The following ACBD7 variants were observed in gnomAD, a reference collection of about 807,000 sequenced individuals.
The protein encoded by ACBD7 is acyl-CoA binding domain containing 7, also known as acyl-CoA-binding domain-containing protein 7.
Under a neutral mutation model 13.7 loss-of-function variants are expected in ACBD7, and 11 were observed. The observed-to-expected ratio is 0.80, with a 90% CI of 0.50 to 1.33. The LOEUF is 1.33. ACBD7 is among the 40% of genes most tolerant of loss of function. The pLI, the probability that ACBD7 is intolerant of heterozygous loss-of-function variation, is 0.00. For missense variants in ACBD7, 111 were observed against 103.0 expected, an observed-to-expected ratio of 1.08 and a Z score of -0.33; for synonymous variants, 43 against 37.7, an observed-to-expected ratio of 1.14 and a Z score of -0.51.
At chr10:15,079,140 T>G (rs997685371) in intron 1 of ACBD7, 100 bp from the exon 2 acceptor site, 1 of 622,334 alleles carries the variant, frequency 1.6e-6, no homozygotes, top group East Asian at 3.1e-5. Flanking sequence ...GAAATGAACT[T>G]CTGCTGCTCT....
rs551196580 is a variant in ACBD7 at position 15,086,646 on chromosome 10, C to T, written c.12+2071G>A. ...ATCCCAGCACTTTGGGAGGCCAAGG[C>T]GGGTGGATCGCTTGAGCTCAGGAGT... On this transcript the variant is annotated intron_variant, in intron 1 of 3. Coordinates refer to ENST00000356189, the MANE Select transcript of ACBD7 (RefSeq NM_001039844.3). 2.0e-4 allele frequency among the ~76,000 whole-genome samples: 31 copies of T among 152,134 alleles called. No homozygotes were observed. In the South Asian group the frequency reaches 4.8e-3, roughly 23 times the overall value.
intron 1 of ACBD7, 69 bp from the exon 2 acceptor site, chr10:15,079,109 G>C: frequency 1.1e-6 from 1 of 951,888 alleles, no homozygotes; most frequent in Non-Finnish European, 1.6e-6. Context: ...TCAAAGAGCA[G>C]GAAGAGGAAG....
intron 1 of ACBD7, among the ~76,000 whole-genome samples, chr10:15,082,252 C>T (rs1216452334): frequency 2.0e-5 from 3 of 147,320 alleles, no homozygotes; most frequent in East Asian, 2.0e-4. Context: ...TGCCACTACA[C>T]TCCAGCCTGG....
chr10:15,082,244 C>G (rs1266140510), intron 1 of ACBD7, among the ~76,000 whole-genome samples: 1 of 148,154 alleles, frequency 6.7e-6, no homozygotes, highest in African/African-American at 2.5e-5. Context: ...CGAGATCATG[C>G]CACTACACTC....
intron 1 of ACBD7, among the ~76,000 whole-genome samples, chr10:15,084,580 C>T (rs749313056): frequency 6.6e-6 from 1 of 152,180 alleles, no homozygotes; most frequent in Non-Finnish European, 1.5e-5. Context: ...GACTCAAGAT[C>T]CCTGTTACAG....
At chr10:15,079,527 G>A (rs143702034) in intron 1 of ACBD7, among the ~76,000 whole-genome samples, 6,923 of 150,992 alleles carry the variant, frequency 0.046, 238 homozygotes, top group Middle Eastern at 0.062. Context: ...CCCCTGCCTC[G>A]GCCTCCCAAA....
At chr10:15,088,682 G>T in intron 1 of ACBD7, 35 bp downstream of exon 1, 1 of 1,592,036 alleles carries the variant, frequency 6.3e-7, no homozygotes. Flanking sequence ...CTCGCGGAGC[G>T]CCCCTCCCGC....
chr10:15,076,760 C>T lies in ACBD7; in HGVS notation c.*1770G>A, dbSNP rs1844686813. The T allele has an allele frequency of 3.1e-6, 3 of 982,238 alleles. No individual in the cohort carries two copies. In the South Asian group the frequency reaches 1.4e-4, roughly 46 times the overall value. 60.8% of individuals were successfully genotyped at this position (982,238 alleles called of 1,614,324 possible). On this transcript the variant is annotated 3_prime_UTR_variant, in exon 4 of 4. Transcript: ENST00000356189. ...CTCAGTAATCCACCTACCTCGGCCT[C>T]CCAAAGTGCTGAGATTAGAGGCGTG...
intron 1 of ACBD7, among the ~76,000 whole-genome samples, chr10:15,081,940 C>T (rs185438738): frequency 1.2e-4 from 18 of 152,306 alleles, no homozygotes; most frequent in African/African-American, 3.6e-4. Flanking sequence ...TGGTTAAGAA[C>T]ATGGCTCTGG....
At chr10:15,086,410 T>G (rs2131399139) in intron 1 of ACBD7, among the ~76,000 whole-genome samples, 1 of 152,384 alleles carries the variant, frequency 6.6e-6, no homozygotes, top group South Asian at 2.1e-4. Context: ...ATACTGCTTT[T>G]CTGTGATGTT....
chr10:15,080,022 G>A lies in ACBD7; in HGVS notation c.13-982C>T, dbSNP rs114824557. ...ACCAGTTAATACCATCGTCTAGGGCGTTTCTCTTCCAGTGCCCTCATGCCT... is the reference window on the plus strand; with the variant it reads ...ACCAGTTAATACCATCGTCTAGGGCATTTCTCTTCCAGTGCCCTCATGCCT... On this transcript the variant is annotated intron_variant, in intron 1 of 3. Transcript: ENST00000356189. 5.2e-3 allele frequency among the ~76,000 whole-genome samples: 787 copies of A among 151,958 alleles called. 9 individuals are homozygous for A. Among genetic ancestry groups the A allele is most frequent in the African/African-American group, 0.018 (754 of 41,410 alleles).
rs540145387 is a variant in ACBD7 at position 15,082,030 on chromosome 10, G to A, written c.13-2990C>T. 2.6e-5 allele frequency among the ~76,000 whole-genome samples: 4 copies of A among 152,308 alleles called. No individual in the cohort carries two copies. The South Asian group carries it at 8.3e-4, about 32-fold the overall frequency. On this transcript the variant is annotated intron_variant, in intron 1 of 3. Transcript: ENST00000356189. ...AGGCTGGGCGCAGTGGCTCACACCT[G>A]TAATCCCAGCACTTTGGGAGGCCAA...
chr10:15,076,917 G>A lies in ACBD7; in HGVS notation c.*1613C>T. ...GTTCAAATCTGTACACATATTACCA[G>A]GGCTAGACTTTCTAAAAAGTCAAAA... On this transcript the variant is annotated 3_prime_UTR_variant, in exon 4 of 4. Transcript: ENST00000356189. 1.0e-6 allele frequency: 1 copy of A among 985,340 alleles called. No individual in the cohort carries two copies. The highest frequency in any genetic ancestry group is 4.7e-5 in the South Asian group (1 of 21,284). 61.0% of individuals were successfully genotyped at this position (985,340 alleles called of 1,614,324 possible). A position where few individuals can be genotyped will look rare whatever the true frequency, so the allele number is the denominator to read the frequency against.
At position 15,079,011 on chromosome 10, in the gene ACBD7, C is replaced by A. The variant is rs1466898664; in HGVS notation, c.42G>T (p.Val14=). 1 of 1,609,682 alleles carries A rather than the reference C, an allele frequency of 6.2e-7. No individual in the cohort carries two copies. The highest frequency in any genetic ancestry group is 8.5e-7 in the Non-Finnish European group (1 of 1,177,822). ...CATCTGGTCTTGCTTTCAGCTTCCTCACATCTTCTGCAGCCCTGTCAAAAT... is the reference window on the plus strand; with the variant it reads ...CATCTGGTCTTGCTTTCAGCTTCCTAACATCTTCTGCAGCCCTGTCAAAAT... The part of the protein sequence containing the change: ...QADFDRAAED[V]RKLKARPDDG... Residue 14 remains valine, a synonymous_variant, in exon 2 of 4, where the codon GTG becomes GTT. Transcript: ENST00000356189.
rs577599538 is a variant in ACBD7, at chr10:15,075,663, G to C, written c.*2867C>G. Reference sequence around the variant, plus strand: ...TGGCAACCACTATTCCATCCTTTGCGTCTATAAATGTTCCCTTTCAAGAAT... The same window carrying C: ...TGGCAACCACTATTCCATCCTTTGCCTCTATAAATGTTCCCTTTCAAGAAT... On this transcript the variant is annotated 3_prime_UTR_variant, in exon 4 of 4. Transcript: ENST00000356189. Among the ~76,000 whole-genome samples, 1 of 151,972 alleles carries C rather than the reference G, an allele frequency of 6.6e-6. No homozygotes were observed.
chr10:15,075,637 C>T lies in ACBD7; in HGVS notation c.*2893G>A, dbSNP rs1487146526. On this transcript the variant is annotated 3_prime_UTR_variant, in exon 4 of 4. Transcript: ENST00000356189. ...AAAGCCACACCCACCTCCCTCCTCCCTGGCAACCACTATTCCATCCTTTGC... is the reference window on the plus strand; with the variant it reads ...AAAGCCACACCCACCTCCCTCCTCCTTGGCAACCACTATTCCATCCTTTGC... 1.3e-5 allele frequency among the ~76,000 whole-genome samples: 2 copies of T among 152,176 alleles called. No individual in the cohort carries two copies. The highest frequency in any genetic ancestry group is 2.9e-5 in the Non-Finnish European group (2 of 68,038).
intron 1 of ACBD7, among the ~76,000 whole-genome samples, chr10:15,086,165 G>A (rs548068789): frequency 1.5e-3 from 222 of 152,050 alleles, no homozygotes; most frequent in South Asian, 0.01. Flanking sequence ...AAAATTAGCC[G>A]GCCGTGGTGG....
At chr10:15,086,042 T>G (rs1844804469) in intron 1 of ACBD7, among the ~76,000 whole-genome samples, 1 of 152,204 alleles carries the variant, frequency 6.6e-6, no homozygotes, top group Non-Finnish European at 1.5e-5. Flanking sequence ...GCGTGGTAGC[T>G]CACATCTGTA....
intron 1 of ACBD7, among the ~76,000 whole-genome samples, chr10:15,080,795 T>C (rs1316996056): frequency 4.6e-5 from 7 of 152,200 alleles, no homozygotes; most frequent in Admixed American, 3.9e-4. Flanking sequence ...GTTTATACTC[T>C]ACAAAGAGCT....
Sources: gnomAD v4.1 joint callset for allele counts (sites outside exome capture counted in the v4.1 genomes callset) on GRCh38, gnomAD v4.1.1 for gene constraint, MANE v1.5 for transcripts, NCBI Gene and HGNC (gene_info 2026-07-23, HGNC 2026-07-21) for gene names.